Variants in CTNNA3 observed in about 807,000 individuals in gnomAD.
CTNNA3 encodes the protein catenin alpha 3.
Under a neutral mutation model 95.7 loss-of-function variants are expected in CTNNA3, and 76 were observed. The observed-to-expected ratio is 0.79, with a 90% CI of 0.66 to 0.96. CTNNA3 has a LOEUF of 0.96. Among genes scored for constraint, CTNNA3 ranks in the 40% least tolerant of loss-of-function variants. CTNNA3 has a pLI of 0.00. For missense variants in CTNNA3, 1,191 were observed against 1,089.8 expected, an observed-to-expected ratio of 1.09 and a Z score of -1.31; for synonymous variants, 431 against 374.4, an observed-to-expected ratio of 1.15 and a Z score of -1.74.
At chr10:67,294,165 G>A (rs1381665600) in intron 5 of CTNNA3, among the ~76,000 whole-genome samples, 1 of 152,080 alleles carries the variant, frequency 6.6e-6, no homozygotes, top group African/African-American at 2.4e-5. Context: ...CTCGCTTTTT[G>A]AGTGTTCGCA....
chr10:67,024,532 A>G (rs1000669333), intron 7 of CTNNA3, among the ~76,000 whole-genome samples: 1 of 152,210 alleles, frequency 6.6e-6, no homozygotes, highest in African/African-American at 2.4e-5. Context: ...GGCCTACCAT[A>G]AGACCACGTT....
intron 15 of CTNNA3, among the ~76,000 whole-genome samples, chr10:66,016,684 C>T (rs1400500486): frequency 1.3e-5 from 2 of 152,080 alleles, no homozygotes; most frequent in African/African-American, 4.8e-5. Flanking sequence ...TACTTTCTGA[C>T]CTCAGTAGAA....
rs367823042 is a variant in CTNNA3, at chr10:66,379,209, C to T, written c.1675G>A (p.Glu559Lys). The T allele has an allele frequency of 8.7e-6, 14 of 1,614,000 alleles. No individual in the cohort carries two copies. Among genetic ancestry groups the T allele is most frequent in the African/African-American group, 2.7e-5 (2 of 74,914 alleles). Residue 559 changes from glutamate to lysine, a missense_variant, in exon 12 of 18, where the codon GAG becomes AAG. Coordinates refer to ENST00000433211, the MANE Select transcript of CTNNA3 (RefSeq NM_013266.4). The stretch of plus-strand genomic sequence containing the variant: ...ACACCTTCCGTGTAAGCCCCTGGCT[C>T]GTAACTGTCCATTTCACCCGTGACG... ...HIVTGEMDSYEPGAYTEGVMR... is the reference protein window; with the variant it reads ...HIVTGEMDSYKPGAYTEGVMR...
chr10:67,723,979 C>G (rs1485456997), intron 1 of CTNNA3, among the ~76,000 whole-genome samples: 1 of 152,060 alleles, frequency 6.6e-6, no homozygotes, highest in African/African-American at 2.4e-5. Flanking sequence ...ACAATTGCTC[C>G]TTCCAGTAGA....
At chr10:67,191,201 T>C (rs1863103260) in intron 6 of CTNNA3, among the ~76,000 whole-genome samples, 2 of 151,898 alleles carry the variant, frequency 1.3e-5, no homozygotes, top group South Asian at 2.1e-4. Flanking sequence ...ATTAAACATA[T>C]TGTCCCACTC....
In CTNNA3 at chr10:67,176,855, G is replaced by A. The variant is rs114072092; in HGVS notation, c.1047+3462C>T. The A allele has an allele frequency of 3.0e-3, 1,350 of 456,930 alleles. 23 individuals carry two copies. Among genetic ancestry groups the A allele is most frequent in the African/African-American group, 0.024 (1,227 of 50,328 alleles). The allele number at this position is 456,930 out of a possible 1,614,324, so 28.3% of individuals were successfully genotyped here. A position where few individuals can be genotyped will look rare whatever the true frequency, so the allele number is the denominator to read the frequency against. On this transcript the variant is annotated intron_variant, in intron 7 of 17. Transcript: ENST00000433211. ...CAGAGGGCCATGAGCCAAGGAATGA[G>A]GGTGACCTCTAGAAACTGGAAAAGG...
chr10:66,216,479 T>G (rs190722492), intron 13 of CTNNA3, among the ~76,000 whole-genome samples: 1 of 152,184 alleles, frequency 6.6e-6, no homozygotes, highest in Admixed American at 6.5e-5. Flanking sequence ...CTCCTTAGAC[T>G]TTGGGGATAA....
At chr10:66,022,252 C>T (rs1200476452) in intron 15 of CTNNA3, among the ~76,000 whole-genome samples, 1 of 152,068 alleles carries the variant, frequency 6.6e-6, no homozygotes, top group Non-Finnish European at 1.5e-5. Flanking sequence ...ATGCTGAGTT[C>T]TCCTCACTTT....
intron 9 of CTNNA3, among the ~76,000 whole-genome samples, chr10:66,626,047 A>G (rs1844924230): frequency 6.6e-6 from 1 of 152,170 alleles, no homozygotes; most frequent in Non-Finnish European, 1.5e-5. Context: ...TTTCATCATT[A>G]CTTTGTTCTA....
Position 66,751,593 on chromosome 10 carries a change from G to A in CTNNA3, c.1281+14671C>T, listed in dbSNP as rs563206407. 2.0e-5 allele frequency among the ~76,000 whole-genome samples: 3 copies of A among 152,220 alleles called. No individual in the cohort carries two copies. In the East Asian group the frequency reaches 5.8e-4, roughly 29 times the overall value. ...TTCATCTTCCTAATGAGAGAATGAT[G>A]GGCTAAGTTGCTCAGATTCACATGG... is the stretch of plus-strand genomic sequence containing the variant. On this transcript the variant is annotated intron_variant, in intron 9 of 17. Transcript: ENST00000433211.
rs535459537 is a variant in CTNNA3, at chr10:66,885,630, C to G, written c.1048-110106G>C. 1.4e-4 allele frequency among the ~76,000 whole-genome samples: 22 copies of G among 152,172 alleles called. No homozygotes were observed. In the South Asian group the frequency reaches 2.3e-3, roughly 16 times the overall value. The stretch of plus-strand genomic sequence containing the variant: ...TAAATCACCTCCCCAGGTAACTGTT[C>G]TTACAATAAAACTACCAGCTGGGTG... On this transcript the variant is annotated intron_variant, in intron 7 of 17. Coordinates refer to ENST00000433211, the MANE Select transcript of CTNNA3 (RefSeq NM_013266.4).
rs1156416532 is a variant in CTNNA3, at chr10:66,815,167, C to G, written c.1048-39643G>C. Among the ~76,000 whole-genome samples, 3 of 152,220 alleles carry G rather than the reference C, an allele frequency of 2.0e-5. No homozygotes were observed. In the East Asian group the frequency reaches 5.8e-4, roughly 29 times the overall value. ...AACCTCCAAGAATCTTCTCATAAAA[C>G]ACAGCAAAATCGTCATAATTAACTT... On this transcript the variant is annotated intron_variant, in intron 7 of 17. Coordinates refer to ENST00000433211, the MANE Select transcript of CTNNA3 (RefSeq NM_013266.4).
intron 6 of CTNNA3, among the ~76,000 whole-genome samples, chr10:67,202,416 T>G (rs1488301420): frequency 6.6e-6 from 1 of 151,986 alleles, no homozygotes. Flanking sequence ...CAAAGCAAAA[T>G]ACTATACTAT....
chr10:66,516,572 A>T (rs1840865561), intron 11 of CTNNA3, among the ~76,000 whole-genome samples: 1 of 152,122 alleles, frequency 6.6e-6, no homozygotes, highest in Admixed American at 6.5e-5. Flanking sequence ...AAACCTGCAA[A>T]GGTGGGGGTA....
At chr10:67,516,454 G>A (rs1839816124) in intron 5 of CTNNA3, among the ~76,000 whole-genome samples, 1 of 152,106 alleles carries the variant, frequency 6.6e-6, no homozygotes, top group African/African-American at 2.4e-5. Flanking sequence ...TTCTTCCACA[G>A]GATCCCTACA....
At chr10:66,196,794 C>G (rs1396069858) in intron 13 of CTNNA3, among the ~76,000 whole-genome samples, 1 of 151,868 alleles carries the variant, frequency 6.6e-6, no homozygotes, top group Admixed American at 6.6e-5. Flanking sequence ...AAGCCCATTA[C>G]TCACCCCAGT....
At chr10:67,145,349 CA>C (rs1168300767) in intron 7 of CTNNA3, among the ~76,000 whole-genome samples, 1 of 151,926 alleles carries the variant, frequency 6.6e-6, no homozygotes, top group Non-Finnish European at 1.5e-5. Context: ...TCAGTTAACC[CA>C]AAAGAGTTGT....
intron 1 of CTNNA3, among the ~76,000 whole-genome samples, chr10:67,715,843 T>G (rs1320038662): frequency 6.6e-6 from 1 of 152,106 alleles, no homozygotes; most frequent in Non-Finnish European, 1.5e-5. Context: ...TTGCAAACAT[T>G]AGTATCTACA....
intron 1 of CTNNA3, among the ~76,000 whole-genome samples, chr10:67,668,999 C>T (rs923028950): frequency 3.3e-5 from 5 of 151,850 alleles, no homozygotes; most frequent in Non-Finnish European, 5.9e-5. Flanking sequence ...CCACCATGCC[C>T]GGCTAATTTT....
Sources: gnomAD v4.1 joint callset for allele counts (sites outside exome capture counted in the v4.1 genomes callset) on GRCh38, gnomAD v4.1.1 for gene constraint, MANE v1.5 for transcripts, NCBI Gene and HGNC (gene_info 2026-07-23, HGNC 2026-07-21) for gene names.